The following NKAIN2 variants were observed in gnomAD, a reference collection of about 807,000 sequenced individuals.
The protein encoded by NKAIN2 is sodium/potassium transporting ATPase interacting 2.
Under a neutral mutation model 32.6 loss-of-function variants are expected in NKAIN2, and 14 were observed. The ratio of observed to expected loss-of-function variants is 0.43; its 90% confidence interval spans 0.28 to 0.67. NKAIN2 has a LOEUF of 0.67. Among genes scored for constraint, NKAIN2 ranks in the 30% least tolerant of loss-of-function variants. The pLI, the probability that NKAIN2 is intolerant of heterozygous loss-of-function variation, is 0.17. For missense variants in NKAIN2, 198 were observed against 258.3 expected (o/e 0.77, Z 1.60); for synonymous variants, 80 against 87.2 (o/e 0.92, Z 0.46).
intron 4 of NKAIN2, among the ~76,000 whole-genome samples, chr6:124,731,720 AAAG>A (rs1245751810): frequency 6.6e-6 from 1 of 152,096 alleles, no homozygotes; most frequent in Non-Finnish European, 1.5e-5. Flanking sequence ...TTAAAAAAAA[AAAG>A]AATGTGGAAG....
At chr6:124,456,223 C>T (rs1337991031) in intron 3 of NKAIN2, among the ~76,000 whole-genome samples, 1 of 151,842 alleles carries the variant, frequency 6.6e-6, no homozygotes, top group East Asian at 1.9e-4. Flanking sequence ...TTATTTCTCT[C>T]ACAGACCAGT....
rs552160897 is a variant in NKAIN2 at position 124,495,896 on chromosome 6, G to C, written c.273+140549G>C. Among the ~76,000 whole-genome samples, 6 of 152,214 alleles carry C rather than the reference G, an allele frequency of 3.9e-5. No homozygotes were observed. The East Asian group carries it at 9.7e-4, about 25-fold the overall frequency. On this transcript the variant is annotated intron_variant, in intron 3 of 6. Coordinates refer to ENST00000368417, the MANE Select transcript of NKAIN2 (RefSeq NM_001040214.3). ...TCAGCAGTGGCCTTTTGAGATGTTG[G>C]TGAAATTTTCTGCCTACCAAGAAAG...
intron 3 of NKAIN2, among the ~76,000 whole-genome samples, chr6:124,508,468 C>T (rs1778579494): frequency 6.6e-6 from 1 of 150,986 alleles, no homozygotes; most frequent in Non-Finnish European, 1.5e-5. Flanking sequence ...CCTCAGCCTC[C>T]CTAGTAGCTG....
intron 1 of NKAIN2, among the ~76,000 whole-genome samples, chr6:123,862,940 C>A (rs1487286159): frequency 6.6e-6 from 1 of 152,252 alleles, no homozygotes; most frequent in East Asian, 1.9e-4. Flanking sequence ...TGGGAGCATC[C>A]AGTGCAGTAT....
intron 1 of NKAIN2, among the ~76,000 whole-genome samples, chr6:123,945,771 G>A (rs1034341988): frequency 2.6e-5 from 4 of 152,090 alleles, no homozygotes; most frequent in South Asian, 2.1e-4. Flanking sequence ...TGAGAAATTC[G>A]TCAATTGTGT....
chr6:123,886,911 G>T (rs1016493114), intron 1 of NKAIN2, among the ~76,000 whole-genome samples: 6 of 152,070 alleles, frequency 3.9e-5, no homozygotes, highest in African/African-American at 1.4e-4. Flanking sequence ...CACAGTGGGA[G>T]ATCATTAAAA....
chr6:124,317,903 G>A (rs1351091287), intron 2 of NKAIN2, among the ~76,000 whole-genome samples: 1 of 151,968 alleles, frequency 6.6e-6, no homozygotes, highest in Non-Finnish European at 1.5e-5. Flanking sequence ...TGTAATACTT[G>A]TAAATAGTTT....
chr6:124,189,664 G>A (rs1789918587), intron 1 of NKAIN2, among the ~76,000 whole-genome samples: 1 of 152,170 alleles, frequency 6.6e-6, no homozygotes, highest in Non-Finnish European at 1.5e-5. Context: ...CTGGGCGACA[G>A]AGCAAGACTC....
At position 123,815,213 on chromosome 6, in the gene NKAIN2, C is replaced by T. The variant is rs1773641939; in HGVS notation, c.54+10959C>T. On this transcript the variant is annotated intron_variant, in intron 1 of 6. Coordinates refer to ENST00000368417, the MANE Select transcript of NKAIN2 (RefSeq NM_001040214.3). ...TTTATCATTTATTTATTTATTAAGCCATATTACTTACTTACTTATGCTAGA... is the reference window on the plus strand; with the variant it reads ...TTTATCATTTATTTATTTATTAAGCTATATTACTTACTTACTTATGCTAGA... Among the ~76,000 whole-genome samples the T allele has an allele frequency of 2.0e-5, 3 of 151,984 alleles. No individual in the cohort carries two copies. The South Asian group carries it at 6.2e-4, about 32-fold the overall frequency.
chr6:124,768,165 T>G (rs796089702), intron 4 of NKAIN2, among the ~76,000 whole-genome samples: 3 of 152,338 alleles, frequency 2.0e-5, no homozygotes, highest in African/African-American at 7.2e-5. Context: ...CTAATCATTT[T>G]GATTCAAGGA....
chr6:124,315,880 A>C (rs1323129545), intron 2 of NKAIN2, among the ~76,000 whole-genome samples: 3 of 152,160 alleles, frequency 2.0e-5, no homozygotes, highest in Non-Finnish European at 4.4e-5. Context: ...CTATTAAAAT[A>C]AAAACATTTT....
chr6:123,894,656 G>A lies in NKAIN2; in HGVS notation c.54+90402G>A, dbSNP rs117800063. Reference sequence around the variant, plus strand: ...TGAGTGAGAGGGACAGCTCTTGGGGGACTTTCCAGGAGATGAAACCGAGAA... The same window carrying A: ...TGAGTGAGAGGGACAGCTCTTGGGGAACTTTCCAGGAGATGAAACCGAGAA... On this transcript the variant is annotated intron_variant, in intron 1 of 6. Coordinates refer to ENST00000368417, the MANE Select transcript of NKAIN2 (RefSeq NM_001040214.3). Among the ~76,000 whole-genome samples, 93 of 152,220 alleles carry A rather than the reference G, an allele frequency of 6.1e-4. No homozygotes were observed. The East Asian group carries it at 0.016, about 26-fold the overall frequency.
At chr6:124,631,835 C>A (rs1354368446) in intron 3 of NKAIN2, among the ~76,000 whole-genome samples, 2 of 152,128 alleles carry the variant, frequency 1.3e-5, no homozygotes, top group Admixed American at 6.6e-5. Context: ...TTAGATCTCA[C>A]AACTACCCCG....
intron 1 of NKAIN2, among the ~76,000 whole-genome samples, chr6:123,893,304 C>T (rs1348333910): frequency 6.6e-6 from 1 of 152,132 alleles, no homozygotes; most frequent in Non-Finnish European, 1.5e-5. Flanking sequence ...GGACTCACAT[C>T]ATCCTCCTGT....
chr6:123,962,488 C>T (rs1178058052), intron 1 of NKAIN2, among the ~76,000 whole-genome samples: 1 of 152,100 alleles, frequency 6.6e-6, no homozygotes, highest in Non-Finnish European at 1.5e-5. Flanking sequence ...TTGCTGATGC[C>T]TCTTTGAGCT....
At chr6:124,030,875 G>C (rs1324560983) in intron 1 of NKAIN2, among the ~76,000 whole-genome samples, 1 of 152,040 alleles carries the variant, frequency 6.6e-6, no homozygotes, top group Non-Finnish European at 1.5e-5. Context: ...TCTCTTTTTT[G>C]ATTGTTAACC....
At chr6:124,048,612 A>C (rs1046467715) in intron 1 of NKAIN2, among the ~76,000 whole-genome samples, 1 of 152,072 alleles carries the variant, frequency 6.6e-6, no homozygotes, top group Non-Finnish European at 1.5e-5. Context: ...CAGCATCTAC[A>C]CAAGACTGAC....
At chr6:124,511,839 A>G (rs1295724074) in intron 3 of NKAIN2, among the ~76,000 whole-genome samples, 2 of 152,116 alleles carry the variant, frequency 1.3e-5, no homozygotes, top group African/African-American at 4.8e-5. Context: ...CTCCTAACCC[A>G]GCAGCTGAGT....
intron 6 of NKAIN2, chr6:124,819,276 A>C (rs1245895636): frequency 1.2e-5 from 2 of 172,732 alleles, no homozygotes; most frequent in Non-Finnish European, 2.3e-5. Context: ...TAATATCTTT[A>C]GTGTGTAGGA....
Sources: gnomAD v4.1 joint callset for allele counts (sites outside exome capture counted in the v4.1 genomes callset) on GRCh38, gnomAD v4.1.1 for gene constraint, MANE v1.5 for transcripts, NCBI Gene and HGNC (gene_info 2026-07-23, HGNC 2026-07-21) for gene names.